LIN52: variants seen among roughly 807,000 people sequenced by gnomAD.
LIN52 encodes lin-52 DREAM MuvB core complex component.
LIN52 carries 4 observed loss-of-function variants against 18.5 expected under a neutral mutation model. The ratio of observed to expected loss-of-function variants is 0.22; its 90% CI spans 0.11 to 0.49. LIN52 has a LOEUF of 0.49. Among genes scored for constraint, LIN52 ranks in the 20% least tolerant of loss-of-function variants. LIN52 has a pLI of 0.97. For synonymous variants in LIN52, 34 were observed against 45.5 expected (o/e 0.75, Z 1.02); for missense variants, 102 against 139.5 (o/e 0.73, Z 1.35).
intron 5 of LIN52, among the ~76,000 whole-genome samples, chr14:74,107,400 T>G (rs1042482333): frequency 1.3e-5 from 2 of 152,204 alleles, no homozygotes; most frequent in African/African-American, 4.8e-5. Context: ...ACCCTCTCTT[T>G]CTGGAATACT....
At chr14:74,130,405 G>A (rs1229101569) in intron 5 of LIN52, among the ~76,000 whole-genome samples, 1 of 149,710 alleles carries the variant, frequency 6.7e-6, no homozygotes, top group African/African-American at 2.5e-5. Context: ...AGCCTCCCAA[G>A]TAGCTAGGAT....
At chr14:74,180,350 C>T (rs1274738820) in intron 5 of LIN52, among the ~76,000 whole-genome samples, 1 of 150,380 alleles carries the variant, frequency 6.6e-6, no homozygotes, top group Non-Finnish European at 1.5e-5. Context: ...ACTGCAAGCT[C>T]CGCCTCCCGG....
intron 5 of LIN52, among the ~76,000 whole-genome samples, chr14:74,131,685 A>G (rs1187625791): frequency 6.6e-6 from 1 of 152,084 alleles, no homozygotes; most frequent in African/African-American, 2.4e-5. Context: ...TTTAATACGC[A>G]TTTCTTGGTT....
chr14:74,106,765 T>C (rs998955596), intron 5 of LIN52, among the ~76,000 whole-genome samples: 1 of 152,098 alleles, frequency 6.6e-6, no homozygotes, highest in Non-Finnish European at 1.5e-5. Flanking sequence ...GTTTTAAAAA[T>C]ATTTTTAGCA....
At chr14:74,184,907 C>T (rs1355288150) in intron 5 of LIN52, among the ~76,000 whole-genome samples, 1 of 152,000 alleles carries the variant, frequency 6.6e-6, no homozygotes, top group Non-Finnish European at 1.5e-5. Flanking sequence ...TGACATGACC[C>T]TAGTACATCT....
At chr14:74,130,284 T>TTTTTTTTTTTTTTTTTG (rs1566856553) in intron 5 of LIN52, among the ~76,000 whole-genome samples, 1 of 127,914 alleles carries the variant, frequency 7.8e-6, no homozygotes, top group African/African-American at 3.1e-5. Context: ...TTTGGTTTTT[T>TTTTTTTTTTTTTTTTTG]TTTTTTTTTT....
intron 5 of LIN52, among the ~76,000 whole-genome samples, chr14:74,130,277 G>GCTTT (rs371965343): frequency 1.5e-4 from 7 of 46,424 alleles, no homozygotes; most frequent in African/African-American, 3.6e-4. Flanking sequence ...GGCATTTTTT[G>GCTTT]GTTTTTTTTT....
chr14:74,188,329 T>C (rs1329873941), intron 5 of LIN52, among the ~76,000 whole-genome samples: 2 of 152,164 alleles, frequency 1.3e-5, no homozygotes, highest in South Asian at 2.1e-4. Flanking sequence ...CAAAGTGTTA[T>C]TGCGATGAAA....
At chr14:74,109,530 T>C (rs190066259) in intron 5 of LIN52, among the ~76,000 whole-genome samples, 9 of 152,374 alleles carry the variant, frequency 5.9e-5, no homozygotes, top group Admixed American at 3.9e-4. Flanking sequence ...TTCTATTCCA[T>C]TGATGTAATC....
intron 5 of LIN52, among the ~76,000 whole-genome samples, chr14:74,157,459 A>ATTTTT (rs56310225): frequency 1.4e-5 from 2 of 139,932 alleles, no homozygotes; most frequent in South Asian, 2.3e-4. Flanking sequence ...ATATATATAT[A>ATTTTT]TTTTTTAATT....
At chr14:74,089,245 C>A (rs2060755720) in intron 1 of LIN52, among the ~76,000 whole-genome samples, 1 of 151,962 alleles carries the variant, frequency 6.6e-6, no homozygotes, top group Non-Finnish European at 1.5e-5. Context: ...GAAAAGAATG[C>A]ATGAAGGATG....
rs1438037640 is a variant in LIN52 at position 74,084,974 on chromosome 14, G to A, written c.-1G>A. 9 of 1,444,140 alleles carry A rather than the reference G, an allele frequency of 6.2e-6. No homozygotes were observed. The African/African-American group carries it at 1.0e-4, about 16-fold the overall frequency. The allele number at this position is 1,444,140 out of a possible 1,614,324, so 89.5% of individuals were successfully genotyped here. A position where few individuals can be genotyped will look rare whatever the true frequency, so the allele number is the denominator to read the frequency against. On this transcript the variant is annotated 5_prime_UTR_variant, in exon 1 of 6. Transcript: ENST00000555028. Reference sequence around the variant, plus strand: ...CCACGTCACGTGACATGGGTTGGAAGATGGCGTCTCCCACAGACGGTAAGA... The same window carrying A: ...CCACGTCACGTGACATGGGTTGGAAAATGGCGTCTCCCACAGACGGTAAGA...
At chr14:74,115,628 G>T (rs984781255) in intron 5 of LIN52, among the ~76,000 whole-genome samples, 1 of 152,118 alleles carries the variant, frequency 6.6e-6, no homozygotes, top group Non-Finnish European at 1.5e-5. Flanking sequence ...AGGGATCATG[G>T]TTATTCTTAA....
At chr14:74,133,089 C>T (rs2061077814) in intron 5 of LIN52, among the ~76,000 whole-genome samples, 1 of 151,856 alleles carries the variant, frequency 6.6e-6, no homozygotes, top group South Asian at 2.1e-4. Context: ...GTTGAGGCTT[C>T]ATCCTATGGA....
chr14:74,156,013 C>T (rs1452678654), intron 5 of LIN52, among the ~76,000 whole-genome samples: 1 of 152,162 alleles, frequency 6.6e-6, no homozygotes, highest in Non-Finnish European at 1.5e-5. Context: ...AGAGCCCAAT[C>T]ACTTGTATTT....
chr14:74,157,637 A>AT lies in LIN52; in HGVS notation c.284-41275dup, dbSNP rs1021646286. 7.0e-3 allele frequency among the ~76,000 whole-genome samples: 1,034 copies of AT among 147,678 alleles called. 12 individuals are homozygous for AT. The highest frequency in any genetic ancestry group is 0.024 in the African/African-American group (984 of 40,184). ...CACCACACCTGGCTCATTTTTTGAT[A>AT]TTTTTTTTTTCTGTGGAGATGGGAT... On this transcript the variant is annotated intron_variant, in intron 5 of 5. Transcript: ENST00000555028.
intron 5 of LIN52, among the ~76,000 whole-genome samples, chr14:74,168,650 A>G (rs1449463755): frequency 1.3e-5 from 2 of 152,160 alleles, no homozygotes; most frequent in Admixed American, 6.5e-5. Context: ...CCTGGGTGAC[A>G]GAGTGAGACT....
intron 4 of LIN52, among the ~76,000 whole-genome samples, chr14:74,099,641 T>G (rs184268706): frequency 2.0e-5 from 3 of 152,126 alleles, no homozygotes; most frequent in Admixed American, 2.0e-4. Context: ...GTTTTTTTTA[T>G]TACTCAGTCT....
At chr14:74,092,908 CTCTT>C (rs2060782961) in intron 2 of LIN52, among the ~76,000 whole-genome samples, 1 of 151,182 alleles carries the variant, frequency 6.6e-6, no homozygotes, top group South Asian at 2.1e-4. Context: ...CAGAGAAAGA[CTCTT>C]TCTCAAAAAA....
Sources: allele counts gnomAD v4.1 joint callset (sites outside exome capture counted in the v4.1 genomes callset), GRCh38; gene constraint gnomAD v4.1.1; transcripts MANE v1.5; gene names NCBI Gene and HGNC (gene_info 2026-07-23, HGNC 2026-07-21).